Variants in CFAP44 observed in about 807,000 individuals in gnomAD.
CFAP44 encodes the protein cilia and flagella associated protein 44.
A neutral mutation model predicts 216.2 loss-of-function variants in CFAP44; 134 were observed. The observed-to-expected ratio is 0.62, with a 90% CI of 0.54 to 0.72. The LOEUF is 0.72. CFAP44 is among the 30% of genes least tolerant of loss of function. The probability of loss-of-function intolerance (pLI) is 0.00; values close to 1 mark genes in which losing one functional copy is unlikely to be tolerated. For synonymous variants in CFAP44, 700 were observed against 727.6 expected (o/e 0.96, Z 0.61); for missense variants, 2,035 against 2,182.1 (o/e 0.93, Z 1.34).
rs548758387 is a variant in CFAP44 at position 113,371,846 on chromosome 3, T to C, written c.2444+1565A>G. Reference sequence around the variant, plus strand: ...CTACCCATCTGACAAAGGGCTAATATCCAGAATCTACAAAGAACTTAAACA... The same window carrying C: ...CTACCCATCTGACAAAGGGCTAATACCCAGAATCTACAAAGAACTTAAACA... On this transcript the variant is annotated intron_variant, in intron 18 of 34. Transcript: ENST00000393845. Among the ~76,000 whole-genome samples the C allele has an allele frequency of 1.0e-3, 157 of 152,148 alleles. 1 individual carries two copies. Among genetic ancestry groups the C allele is most frequent in the African/African-American group, 3.6e-3 (149 of 41,486 alleles).
At chr3:113,314,646 G>A (rs1044949284) in intron 28 of CFAP44, among the ~76,000 whole-genome samples, 4 of 152,112 alleles carry the variant, frequency 2.6e-5, no homozygotes, top group Admixed American at 6.5e-5. Context: ...TCCTCTCTTC[G>A]AGTGTTTAAA....
chr3:113,346,126 A>T (rs1385170306), intron 22 of CFAP44, among the ~76,000 whole-genome samples: 1 of 152,236 alleles, frequency 6.6e-6, no homozygotes, highest in Admixed American at 6.5e-5. Flanking sequence ...GTGTCTAGCT[A>T]AAGGATTGTA....
chr3:113,342,042 T>A, intron 23 of CFAP44, 124 bp from the exon 24 acceptor site: 1 of 1,190,072 alleles, frequency 8.4e-7, no homozygotes. Context: ...AATCAAAGTA[T>A]TTATTGAGCA....
At chr3:113,314,464 T>C (rs1281012913) in intron 28 of CFAP44, among the ~76,000 whole-genome samples, 1 of 152,162 alleles carries the variant, frequency 6.6e-6, no homozygotes, top group Non-Finnish European at 1.5e-5. Flanking sequence ...AATTAAGACA[T>C]TATCTGATTT....
chr3:113,402,956 A>G (rs1380176349), intron 9 of CFAP44, among the ~76,000 whole-genome samples: 2 of 152,206 alleles, frequency 1.3e-5, no homozygotes, highest in South Asian at 4.1e-4. Context: ...GATTAAATTT[A>G]ATATTGTAAA....
chr3:113,377,893 C>T (rs1933395167), intron 17 of CFAP44, among the ~76,000 whole-genome samples: 1 of 152,130 alleles, frequency 6.6e-6, no homozygotes, highest in Admixed American at 6.5e-5. Flanking sequence ...CCTCGTGATC[C>T]ACCCGCCTCG....
chr3:113,342,071 G>A (rs1310222916), intron 23 of CFAP44, among the ~76,000 whole-genome samples, 153 bp from the exon 24 acceptor site: 3 of 152,326 alleles, frequency 2.0e-5, no homozygotes, highest in Middle Eastern at 3.4e-3. Context: ...GGTGGCTCTT[G>A]CCTGTAATCC....
In CFAP44 at chr3:113,396,554, T is replaced by C. The variant is rs753039101; in HGVS notation, c.1743A>G (p.Leu581=). 4 of 1,614,016 alleles carry C rather than the reference T, an allele frequency of 2.5e-6. No individual in the cohort carries two copies. The highest frequency in any genetic ancestry group is 2.5e-6 in the Non-Finnish European group (3 of 1,180,014). ...GAATTTCCCCATCACGTTCATAAGCTAAAGCAGTGACACAAGCAGTATGGG... is the reference window on the plus strand; with the variant it reads ...GAATTTCCCCATCACGTTCATAAGCCAAAGCAGTGACACAAGCAGTATGGG... ...FKPHTACVTA[L]AYERDGEILA... The change falls in exon 14 of 35, where the codon TTA becomes TTG. Residue 581 remains leucine (L), a synonymous_variant. Transcript: ENST00000393845.
chr3:113,344,951 T>C (rs1343040148), intron 22 of CFAP44, among the ~76,000 whole-genome samples: 1 of 151,534 alleles, frequency 6.6e-6, no homozygotes, highest in Non-Finnish European at 1.5e-5. Context: ...ATCACTATAA[T>C]ACCAGTGTTT....
intron 15 of CFAP44, among the ~76,000 whole-genome samples, chr3:113,391,941 T>C (rs941224661): frequency 6.6e-6 from 1 of 152,152 alleles, no homozygotes; most frequent in African/African-American, 2.4e-5. Flanking sequence ...ATACTGTTGG[T>C]AGGAATGTAA....
chr3:113,435,779 T>C (rs1182229484), intron 1 of CFAP44, among the ~76,000 whole-genome samples: 6 of 151,842 alleles, frequency 4.0e-5, no homozygotes, highest in Non-Finnish European at 7.4e-5. Context: ...ACTCATGTTA[T>C]TAAATTTTGT....
At chr3:113,351,001 G>A (rs367650180) in intron 22 of CFAP44, among the ~76,000 whole-genome samples, 19 of 152,302 alleles carry the variant, frequency 1.2e-4, no homozygotes, top group African/African-American at 3.8e-4. Flanking sequence ...CTGGGCGATT[G>A]AGGGAAAAAG....
Position 113,341,724 on chromosome 3 carries a change from T to A in CFAP44, c.3437+20A>T. 6.8e-7 allele frequency: 1 copy of A among 1,465,838 alleles called. No homozygotes were observed. Among genetic ancestry groups the A allele is most frequent in the Non-Finnish European group, 8.9e-7 (1 of 1,121,570 alleles). 90.8% of individuals were successfully genotyped at this position (1,465,838 alleles called of 1,614,324 possible). ...GCTCACATATTAAAAAGATAAGAGTTTAGGTAAAAAAAAACTCACAGTTCC... is the reference window on the plus strand; with the variant it reads ...GCTCACATATTAAAAAGATAAGAGTATAGGTAAAAAAAAACTCACAGTTCC... On this transcript the variant is annotated intron_variant, in intron 24 of 34. Coordinates refer to ENST00000393845, the MANE Select transcript of CFAP44 (RefSeq NM_001164496.2).
chr3:113,395,045 CTAATA>C (rs1229199114), intron 15 of CFAP44, among the ~76,000 whole-genome samples: 1 of 152,140 alleles, frequency 6.6e-6, no homozygotes, highest in Admixed American at 6.5e-5. Context: ...GTAGATAATA[CTAATA>C]TATTTTATGG....
intron 16 of CFAP44, among the ~76,000 whole-genome samples, chr3:113,380,393 T>G (rs1334815032): frequency 6.6e-6 from 1 of 152,198 alleles, no homozygotes; most frequent in Non-Finnish European, 1.5e-5. Flanking sequence ...TCTTCCAGCC[T>G]TTATTGCCAT....
intron 18 of CFAP44, 46 bp from the exon 19 acceptor site, chr3:113,366,355 T>C (rs368435319): frequency 3.2e-6 from 5 of 1,565,218 alleles, no homozygotes; most frequent in Admixed American, 3.7e-5. Flanking sequence ...AATCTGAAAA[T>C]AATGCTTAAT....
chr3:113,296,614 C>G (rs1949883565), intron 33 of CFAP44, 111 bp downstream of exon 33: 2 of 1,280,558 alleles, frequency 1.6e-6, no homozygotes, highest in African/African-American at 1.5e-5. Flanking sequence ...AAAGGGGGCT[C>G]GCGGACCAGC....
chr3:113,327,131 C>T (rs750118937), intron 27 of CFAP44, among the ~76,000 whole-genome samples: 16 of 151,972 alleles, frequency 1.1e-4, no homozygotes, highest in Non-Finnish European at 2.1e-4. Context: ...AATTTATTTT[C>T]TGAAATTTAA....
At chr3:113,332,648 G>A (rs1329716556) in intron 25 of CFAP44, among the ~76,000 whole-genome samples, 2 of 152,060 alleles carry the variant, frequency 1.3e-5, no homozygotes, top group African/African-American at 4.8e-5. Flanking sequence ...GGTGATTAAG[G>A]AATTAATATA....
Sources: allele counts gnomAD v4.1 joint callset (sites outside exome capture counted in the v4.1 genomes callset), GRCh38; gene constraint gnomAD v4.1.1; transcripts MANE v1.5; gene names NCBI Gene and HGNC (gene_info 2026-07-23, HGNC 2026-07-21).